The following APC variants were observed in gnomAD, a reference collection of about 807,000 sequenced individuals.
APC encodes adenomatous polyposis coli protein.
A neutral mutation model predicts 247.0 loss-of-function variants in APC; 72 were observed. The observed-to-expected ratio is 0.29, with a 90% CI of 0.24 to 0.35. The LOEUF (loss-of-function observed/expected upper bound fraction) is 0.35. Among genes scored for constraint, APC ranks in the 10% least tolerant of loss-of-function variants. The pLI, the probability that APC is intolerant of heterozygous loss-of-function variation, is 1.00. For missense variants in APC, 3,400 were observed against 3,360.7 expected (o/e 1.01, Z -0.29); for synonymous variants, 1,254 against 1,162.5 (o/e 1.08, Z -1.60).
At chr5:112,837,504 T>C (rs896997585) in intron 15 of APC, 49 bp from the exon 16 acceptor site, 1 of 1,359,778 alleles carries the variant, frequency 7.4e-7, no homozygotes, top group South Asian at 1.2e-5. Flanking sequence ...TTGTTGTTAC[T>C]GCATACACAT....
At chr5:112,710,569 TG>T (rs796996556) in intron 1 of APC, among the ~76,000 whole-genome samples, 13 of 152,296 alleles carry the variant, frequency 8.5e-5, no homozygotes, top group African/African-American at 2.6e-4. Flanking sequence ...CATAGATGCT[TG>T]TATCTTCTGC....
At chr5:112,719,859 T>C (rs1271653678) in intron 1 of APC, among the ~76,000 whole-genome samples, 1 of 152,234 alleles carries the variant, frequency 6.6e-6, no homozygotes, top group Non-Finnish European at 1.5e-5. Context: ...CAATAAAAAT[T>C]CTGGCAAATC....
At chr5:112,761,876 G>A (rs555874695) in intron 2 of APC, among the ~76,000 whole-genome samples, 9 of 152,220 alleles carry the variant, frequency 5.9e-5, no homozygotes, top group African/African-American at 1.7e-4. Context: ...ACATAAAAAT[G>A]TATAAGATAA....
chr5:112,775,593 G>A (rs771946819), intron 4 of APC, 36 bp from the exon 5 acceptor site: 8 of 1,317,938 alleles, frequency 6.1e-6, no homozygotes, highest in Middle Eastern at 2.2e-4. Flanking sequence ...TATTAGCATT[G>A]TTTAAACGTA....
intron 11 of APC, among the ~76,000 whole-genome samples, chr5:112,824,148 C>T (rs547032145): frequency 5.3e-5 from 8 of 152,278 alleles, no homozygotes; most frequent in African/African-American, 1.7e-4. Context: ...GCTCTACTAT[C>T]GGTAGTTTTA....
At chr5:112,716,693 A>C (rs1343658521) in intron 1 of APC, among the ~76,000 whole-genome samples, 1 of 152,198 alleles carries the variant, frequency 6.6e-6, no homozygotes, top group Non-Finnish European at 1.5e-5. Flanking sequence ...GTAGTTCTCT[A>C]ATCTTTTATA....
In APC at chr5:112,839,503, A is replaced by G. The variant is rs746289994; in HGVS notation, c.3909A>G (p.Gln1303=). 5.5e-5 allele frequency: 88 copies of G among 1,614,230 alleles called. No homozygotes were observed. Among genetic ancestry groups the G allele is most frequent in the Non-Finnish European group, 7.3e-5 (86 of 1,180,036 alleles). Residue 1303 remains glutamine (Q), a synonymous_variant, in exon 16 of 16, where the codon CAA becomes CAG. Transcript: ENST00000257430. This position sits in a 1 kb window ranked among gnomAD's most constrained non-coding sequence, Gnocchi z 5.0. ...AAGCAGATTCTGCTAATACCCTGCA[A>G]ATAGCAGAAATAAAAGAAAAGATTG... ...TQEADSANTL[Q]IAEIKEKIGT...
intron 2 of APC, among the ~76,000 whole-genome samples, chr5:112,765,843 G>A (rs1472727831): frequency 6.6e-6 from 1 of 152,166 alleles, no homozygotes. Flanking sequence ...TTGTAAATTA[G>A]TATACTAGCA....
At chr5:112,750,811 A>T (rs1754274775) in intron 1 of APC, among the ~76,000 whole-genome samples, 1 of 152,182 alleles carries the variant, frequency 6.6e-6, no homozygotes, top group Admixed American at 6.5e-5. Context: ...TACTTAAAAA[A>T]ATAAAAGTCT....
intron 1 of APC, among the ~76,000 whole-genome samples, chr5:112,723,164 A>G (rs959964476): frequency 6.6e-6 from 1 of 152,088 alleles, no homozygotes; most frequent in Non-Finnish European, 1.5e-5. Flanking sequence ...GAGGACTATA[A>G]TAAGCATTAT....
chr5:112,790,429 G>A (rs889993327), intron 6 of APC, among the ~76,000 whole-genome samples: 2 of 151,892 alleles, frequency 1.3e-5, no homozygotes, highest in African/African-American at 2.4e-5. Context: ...GGGTTCGAGC[G>A]ATTCTCCTGC....
At position 112,841,742 on chromosome 5, in the gene APC, A is replaced by C. The variant is rs1186599153; in HGVS notation, c.6148A>C (p.Lys2050Gln). Reference protein sequence around the residue: ...QECISSAMPKKKKPSRLKGDN... With the variant: ...QECISSAMPKQKKPSRLKGDN... ...ATGTATAAGCTCCGCAATGCCAAAAAAGAAAAAGCCTTCAAGACTCAAGGG... is the reference window on the plus strand; with the variant it reads ...ATGTATAAGCTCCGCAATGCCAAAACAGAAAAAGCCTTCAAGACTCAAGGG... The change falls in exon 16 of 16, where the codon AAG becomes CAG. Residue 2050 changes from lysine to glutamine, a missense_variant. Physicochemically the swap from Lys to Gln is moderately conservative, Grantham distance 53 (BLOSUM62 1). Transcript: ENST00000257430. This position sits in a 1 kb window ranked among gnomAD's most constrained non-coding sequence, Gnocchi z 4.6. The C allele has an allele frequency of 1.2e-6, 2 of 1,613,926 alleles. No homozygotes were observed. Among genetic ancestry groups the C allele is most frequent in the African/African-American group, 1.3e-5 (1 of 74,932 alleles).
chr5:112,764,617 CAGTT>C (rs1306857645), intron 2 of APC, among the ~76,000 whole-genome samples: 3 of 152,188 alleles, frequency 2.0e-5, no homozygotes, highest in South Asian at 2.1e-4. Context: ...AAGCATCCAT[CAGTT>C]GGTTGGAAAA....
chr5:112,774,402 T>C (rs553208534), intron 4 of APC, among the ~76,000 whole-genome samples: 1 of 151,920 alleles, frequency 6.6e-6, no homozygotes, highest in Non-Finnish European at 1.5e-5. Flanking sequence ...AAAACACTTC[T>C]AGTCACAATC....
At chr5:112,763,629 A>G (rs1442450610) in intron 2 of APC, among the ~76,000 whole-genome samples, 1 of 152,148 alleles carries the variant, frequency 6.6e-6, no homozygotes, top group East Asian at 1.9e-4. Context: ...TTATTTTTAA[A>G]CTTTTAAATC....
intron 1 of APC, among the ~76,000 whole-genome samples, chr5:112,718,681 C>T (rs1051529871): frequency 1.3e-5 from 2 of 152,222 alleles, no homozygotes; most frequent in Admixed American, 6.5e-5. Context: ...ATTCATTCCT[C>T]GTTATTTTGC....
intron 2 of APC, among the ~76,000 whole-genome samples, chr5:112,756,467 AC>A (rs1754999506): frequency 6.6e-6 from 1 of 152,250 alleles, no homozygotes; most frequent in African/African-American, 2.4e-5. Flanking sequence ...ATTGATCAAC[AC>A]ATTACATTTC....
intron 8 of APC, among the ~76,000 whole-genome samples, chr5:112,805,175 T>C (rs1338445797): frequency 6.6e-6 from 1 of 152,166 alleles, no homozygotes; most frequent in East Asian, 1.9e-4. Context: ...GTGTGTCGTT[T>C]TATTTTTTGT....
chr5:112,795,804 A>C (rs1299936916), intron 7 of APC, among the ~76,000 whole-genome samples: 1 of 152,258 alleles, frequency 6.6e-6, no homozygotes, highest in Non-Finnish European at 1.5e-5. Flanking sequence ...GTGAAATCGA[A>C]ATGTAAAGCA....
Sources: allele counts gnomAD v4.1 joint callset (sites outside exome capture counted in the v4.1 genomes callset), GRCh38; gene constraint gnomAD v4.1.1; non-coding constraint Gnocchi (gnomAD v3.1); transcripts MANE v1.5; gene names NCBI Gene and HGNC (gene_info 2026-07-23, HGNC 2026-07-21).